Variants in PRORP observed in about 807,000 individuals in gnomAD.
The protein encoded by PRORP is mitochondrial ribonuclease P catalytic subunit.
A neutral mutation model predicts 59.4 loss-of-function variants in PRORP; 51 were observed. That is an observed-to-expected ratio of 0.86 (90% CI 0.69 to 1.08). The LOEUF (loss-of-function observed/expected upper bound fraction) is 1.08, where lower values mean the gene tolerates loss of function less well. Among genes scored for constraint, PRORP ranks in the 50% least tolerant of loss-of-function variants. The pLI is 0.00. For synonymous variants in PRORP, 231 were observed against 245.6 expected (o/e 0.94, Z 0.55); for missense variants, 646 against 690.3 (o/e 0.94, Z 0.72).
At position 35,208,606 on chromosome 14, in the gene PRORP, A is replaced by C. The variant is rs899314448; in HGVS notation, c.1275+27829A>C. ...TATTAATGGCCGGGCATGGTGGCTC[A>C]CACCTGTAATCCCTGCACTTTGGGA... On this transcript the variant is annotated intron_variant, in intron 5 of 7. Coordinates refer to ENST00000534898, the MANE Select transcript of PRORP (RefSeq NM_014672.4). Among the ~76,000 whole-genome samples, 19 of 152,336 alleles carry C rather than the reference A, an allele frequency of 1.2e-4. No homozygotes were observed. The East Asian group carries it at 3.7e-3, about 29-fold the overall frequency.
chr14:35,253,896 A>G (rs1057388828), intron 5 of PRORP, among the ~76,000 whole-genome samples: 1 of 151,510 alleles, frequency 6.6e-6, no homozygotes, highest in African/African-American at 2.4e-5. Context: ...TTCCTCCACT[A>G]TCTTCCCTCC....
chr14:35,238,764 C>T (rs2050284959), intron 5 of PRORP, among the ~76,000 whole-genome samples: 3 of 152,064 alleles, frequency 2.0e-5, no homozygotes, highest in African/African-American at 7.2e-5. Flanking sequence ...ATCTGAAGGG[C>T]CAGAAACCAA....
intron 4 of PRORP, among the ~76,000 whole-genome samples, chr14:35,130,518 G>C (rs962129035): frequency 1.3e-5 from 2 of 149,444 alleles, no homozygotes; most frequent in Admixed American, 1.3e-4. Flanking sequence ...GTCTCACTCT[G>C]TCGCCCAGGT....
intron 4 of PRORP, chr14:35,158,720 A>G (rs542300113): frequency 2.2e-4 from 87 of 390,874 alleles, no homozygotes; most frequent in African/African-American, 1.7e-3. Flanking sequence ...ACTATTATCT[A>G]CTGCATCTCC....
intron 5 of PRORP, among the ~76,000 whole-genome samples, chr14:35,239,311 G>A (rs969004531): frequency 2.0e-5 from 3 of 149,700 alleles, no homozygotes; most frequent in East Asian, 3.9e-4. Context: ...TTGCAACACC[G>A]CACTCCAGCC....
chr14:35,184,207 A>T (rs1351749235), intron 5 of PRORP, among the ~76,000 whole-genome samples: 2 of 152,152 alleles, frequency 1.3e-5, no homozygotes, highest in African/African-American at 4.8e-5. Flanking sequence ...TAGCACCATT[A>T]TCACATATCT....
intron 4 of PRORP, among the ~76,000 whole-genome samples, chr14:35,168,083 T>A (rs1394234862): frequency 6.6e-6 from 1 of 152,216 alleles, no homozygotes; most frequent in African/African-American, 2.4e-5. Flanking sequence ...CATTCACATA[T>A]AAGTCTTTGT....
chr14:35,158,195 T>C, intron 4 of PRORP: 1 of 273,388 alleles, frequency 3.7e-6, no homozygotes. Context: ...CTTCCATTTG[T>C]GCCAGAAGGC....
upstream of PRORP, chr14:35,122,139 G>A: frequency 1.7e-6 from 1 of 606,040 alleles, no homozygotes; most frequent in Non-Finnish European, 3.0e-6. Context: ...CTGCCGCGGA[G>A]AATACCGCTA....
At chr14:35,189,394 C>G (rs965017535) in intron 5 of PRORP, among the ~76,000 whole-genome samples, 1 of 150,526 alleles carries the variant, frequency 6.6e-6, no homozygotes, top group African/African-American at 2.4e-5. Flanking sequence ...ATATATTTCC[C>G]TGGTTTCAAT....
chr14:35,260,892 G>A (rs1053290017), intron 5 of PRORP, among the ~76,000 whole-genome samples: 1 of 152,172 alleles, frequency 6.6e-6, no homozygotes, highest in African/African-American at 2.4e-5. Flanking sequence ...CCCGAAGTCT[G>A]TCTAGTCCTC....
Position 35,123,400 on chromosome 14 carries a change from C to G in PRORP, c.155C>G (p.Ser52Cys), listed in dbSNP as rs372174020. The change falls in exon 2 of 8, where the codon TCT (serine) becomes TGT (cysteine). Residue 52 changes from serine (S) to cysteine (C), a missense_variant. Transcript: ENST00000534898. ...QQRLFSLKTM[S>C]PQNTKATNLI... ...AGGTTGTTTTCTCTTAAAACAATGTCTCCACAGAATACCAAAGCAACGAAT... is the reference window on the plus strand; with the variant it reads ...AGGTTGTTTTCTCTTAAAACAATGTGTCCACAGAATACCAAAGCAACGAAT... The G allele has an allele frequency of 6.2e-6, 10 of 1,614,068 alleles. No individual in the cohort carries two copies. The highest frequency in any genetic ancestry group is 2.7e-5 in the African/African-American group (2 of 74,930).
intron 5 of PRORP, among the ~76,000 whole-genome samples, chr14:35,203,152 T>C (rs866877967): frequency 6.6e-6 from 1 of 152,186 alleles, no homozygotes; most frequent in Non-Finnish European, 1.5e-5. Context: ...TGAAATACTT[T>C]AGAACTTGAG....
intron 5 of PRORP, among the ~76,000 whole-genome samples, chr14:35,251,118 C>T (rs778009879): frequency 2.0e-5 from 3 of 152,188 alleles, no homozygotes; most frequent in Non-Finnish European, 4.4e-5. Flanking sequence ...GAACATTCGA[C>T]GATTGGTTTT....
intron 6 of PRORP, among the ~76,000 whole-genome samples, chr14:35,267,283 TAAAC>T (rs1284869103): frequency 3.3e-5 from 5 of 152,128 alleles, no homozygotes; most frequent in Non-Finnish European, 7.4e-5. Flanking sequence ...AATAAACAGA[TAAAC>T]AAACAGGTAA....
At chr14:35,182,191 G>T (rs12431902) in intron 5 of PRORP, among the ~76,000 whole-genome samples, 1 of 151,954 alleles carries the variant, frequency 6.6e-6, no homozygotes, top group Non-Finnish European at 1.5e-5. Context: ...ACTTGAACCC[G>T]GAAGGCGGTG....
intron 5 of PRORP, among the ~76,000 whole-genome samples, chr14:35,184,836 C>T (rs1458883907): frequency 2.0e-5 from 3 of 152,144 alleles, no homozygotes; most frequent in Admixed American, 2.0e-4. Context: ...CATCCATGTT[C>T]CTACAAAAGA....
At chr14:35,166,460 TTTTTTTTTG>T (rs1326470343) in intron 4 of PRORP, among the ~76,000 whole-genome samples, 1 of 149,478 alleles carries the variant, frequency 6.7e-6, no homozygotes, top group Admixed American at 6.7e-5. Context: ...TTTTTTTTTT[TTTTTTTTTG>T]AGATGGAGTC....
intron 5 of PRORP, among the ~76,000 whole-genome samples, chr14:35,212,342 T>C (rs2049470020): frequency 6.6e-6 from 1 of 152,218 alleles, no homozygotes; most frequent in South Asian, 2.1e-4. Context: ...ATAGTGACTC[T>C]TTTCCAGAAA....
Sources: allele counts gnomAD v4.1 joint callset (sites outside exome capture counted in the v4.1 genomes callset), GRCh38; gene constraint gnomAD v4.1.1; transcripts MANE v1.5; gene names NCBI Gene and HGNC (gene_info 2026-07-23, HGNC 2026-07-21).